The following KCNMB2 variants were observed in gnomAD, a reference collection of about 807,000 sequenced individuals.
KCNMB2 encodes potassium calcium-activated channel subfamily M regulatory beta subunit 2.
A neutral mutation model predicts 24.5 loss-of-function variants in KCNMB2; 9 were observed. The observed-to-expected ratio is 0.37, with a 90% confidence interval of 0.22 to 0.64. The LOEUF is 0.64. KCNMB2 is among the 30% of genes least tolerant of loss of function. The pLI is 0.63. For synonymous variants in KCNMB2, 109 were observed against 104.4 expected (o/e 1.04, Z -0.27); for missense variants, 226 against 284.3 (o/e 0.79, Z 1.47).
At chr3:178,784,174 A>G (rs1712998760) in intron 1 of KCNMB2, among the ~76,000 whole-genome samples, 3 of 152,196 alleles carry the variant, frequency 2.0e-5, no homozygotes, top group Non-Finnish European at 2.9e-5. Context: ...TTCTTTTGGG[A>G]GAAATAATTT....
chr3:178,825,550 CTAAACT>C, intron 2 of KCNMB2, 32 bp from the exon 3 acceptor site: 3 of 1,565,874 alleles, frequency 1.9e-6, no homozygotes, highest in Non-Finnish European at 2.6e-6. Flanking sequence ...TGCTGATTAA[CTAAACT>C]TAATGTAAGA....
chr3:178,711,822 C>A (rs1420817370), intron 1 of KCNMB2, among the ~76,000 whole-genome samples: 1 of 152,130 alleles, frequency 6.6e-6, no homozygotes, highest in Non-Finnish European at 1.5e-5. Flanking sequence ...GATAAGATGA[C>A]CTTGTTTCAA....
At chr3:178,560,363 A>G (rs558093635) in intron 1 of KCNMB2, among the ~76,000 whole-genome samples, 8 of 152,304 alleles carry the variant, frequency 5.3e-5, no homozygotes, top group Admixed American at 4.6e-4. Flanking sequence ...ATAAAAACTG[A>G]CAATCAAAGG....
intron 1 of KCNMB2, among the ~76,000 whole-genome samples, chr3:178,623,350 G>A (rs1718989146): frequency 6.6e-6 from 1 of 152,188 alleles, no homozygotes; most frequent in African/African-American, 2.4e-5. Context: ...CATTAATTTA[G>A]TAGGTATTCT....
chr3:178,563,391 G>A (rs1202921073), intron 1 of KCNMB2, among the ~76,000 whole-genome samples: 1 of 152,114 alleles, frequency 6.6e-6, no homozygotes, highest in Non-Finnish European at 1.5e-5. Context: ...TGGGTAGCTG[G>A]AGCGCAAACA....
chr3:178,799,527 G>C (rs1411558911), intron 1 of KCNMB2, among the ~76,000 whole-genome samples: 1 of 152,106 alleles, frequency 6.6e-6, no homozygotes. Context: ...AAAAATTGAA[G>C]AGTTCACAAA....
At chr3:178,784,709 T>TA (rs1290055301) in intron 1 of KCNMB2, among the ~76,000 whole-genome samples, 2 of 147,626 alleles carry the variant, frequency 1.4e-5, no homozygotes, top group Non-Finnish European at 3.1e-5. Flanking sequence ...TTATTCCTGT[T>TA]AACTGATTTT....
intron 1 of KCNMB2, among the ~76,000 whole-genome samples, chr3:178,666,995 C>G (rs1287600550): frequency 6.6e-6 from 1 of 152,130 alleles, no homozygotes; most frequent in South Asian, 2.1e-4. Flanking sequence ...CACTAGATTA[C>G]TTATAATACT....
chr3:178,606,847 G>C (rs1253073098), intron 1 of KCNMB2, among the ~76,000 whole-genome samples: 2 of 152,154 alleles, frequency 1.3e-5, no homozygotes, highest in Non-Finnish European at 2.9e-5. Context: ...TATAGAGAAA[G>C]CTTCAATCTC....
chr3:178,588,109 G>A (rs544485105), intron 1 of KCNMB2, among the ~76,000 whole-genome samples: 1 of 151,986 alleles, frequency 6.6e-6, no homozygotes, highest in African/African-American at 2.4e-5. Context: ...TTTTATCAGA[G>A]GCTCTTTCTG....
At chr3:178,590,835 A>G (rs942327203) in intron 1 of KCNMB2, among the ~76,000 whole-genome samples, 1 of 152,128 alleles carries the variant, frequency 6.6e-6, no homozygotes, top group African/African-American at 2.4e-5. Context: ...TACTTTAATC[A>G]CTTTTTAAGG....
At chr3:178,754,163 T>TATATATGTATATATAG (rs1723944182) in intron 1 of KCNMB2, among the ~76,000 whole-genome samples, 1 of 102,338 alleles carries the variant, frequency 9.8e-6, no homozygotes, top group South Asian at 2.8e-4. Context: ...TATATATATA[T>TATATATGTATATATAG]ATATATATAT....
At chr3:178,760,383 T>C (rs1349925940) in intron 1 of KCNMB2, among the ~76,000 whole-genome samples, 1 of 135,960 alleles carries the variant, frequency 7.4e-6, no homozygotes, top group African/African-American at 2.8e-5. Context: ...ATATATATTA[T>C]ATATATATCC....
rs78107348 is a variant in KCNMB2, at chr3:178,690,606, T to A, written c.-67-116737T>A. Among the ~76,000 whole-genome samples, 283 of 152,310 alleles carry A rather than the reference T, an allele frequency of 1.9e-3. 2 individuals are homozygous for A. Among genetic ancestry groups the A allele is most frequent in the African/African-American group, 6.6e-3 (273 of 41,600 alleles). The stretch of plus-strand genomic sequence containing the variant: ...GGATGTAGATTTTTGTCCTCTGACA[T>A]GCACTCTTCTTCTTTACACTTACTA... On this transcript the variant is annotated intron_variant, in intron 1 of 4. Coordinates refer to ENST00000452583, the MANE Select transcript of KCNMB2 (RefSeq NM_181361.3).
intron 1 of KCNMB2, among the ~76,000 whole-genome samples, chr3:178,635,799 A>G (rs1481318549): frequency 6.6e-6 from 1 of 152,220 alleles, no homozygotes; most frequent in Admixed American, 6.5e-5. Context: ...ATTATCTTTT[A>G]GCTTATTATT....
At chr3:178,739,673 T>C (rs1201007230) in intron 1 of KCNMB2, among the ~76,000 whole-genome samples, 1 of 152,132 alleles carries the variant, frequency 6.6e-6, no homozygotes, top group African/African-American at 2.4e-5. Flanking sequence ...CAGTGTGCTA[T>C]TGAAACATAG....
chr3:178,637,952 C>G (rs1719588087), intron 1 of KCNMB2, among the ~76,000 whole-genome samples: 1 of 152,080 alleles, frequency 6.6e-6, no homozygotes, highest in Non-Finnish European at 1.5e-5. Flanking sequence ...GTCCCAGCAC[C>G]CTCTTAGTGA....
At chr3:178,603,651 A>G (rs10212362) in intron 1 of KCNMB2, among the ~76,000 whole-genome samples, 35,993 of 152,014 alleles carry the variant, frequency 0.24, 4,858 homozygotes, top group East Asian at 0.42. Context: ...CATTGTCTTC[A>G]GGAACATGGG....
At chr3:178,764,249 T>C (rs1712028019) in intron 1 of KCNMB2, among the ~76,000 whole-genome samples, 1 of 152,224 alleles carries the variant, frequency 6.6e-6, no homozygotes, top group African/African-American at 2.4e-5. Flanking sequence ...AAACTGATTT[T>C]TCATGAATTG....
Sources: gnomAD v4.1 joint callset for allele counts (sites outside exome capture counted in the v4.1 genomes callset) on GRCh38, gnomAD v4.1.1 for gene constraint, MANE v1.5 for transcripts, NCBI Gene and HGNC (gene_info 2026-07-23, HGNC 2026-07-21) for gene names.